The following ZNF83 variants were observed in gnomAD, a reference collection of about 807,000 sequenced individuals.
The protein encoded by ZNF83 is zinc finger protein 83.
For missense variants in ZNF83, 552 were observed against 629.9 expected (o/e 0.88, Z 1.32); for synonymous variants, 209 against 213.0 (o/e 0.98, Z 0.17).
At chr19:52,655,414 A>G (rs2061492453) in intron 3 of ZNF83, 5 of 787,012 alleles carry the variant, frequency 6.4e-6, no homozygotes, top group Admixed American at 2.3e-5. Context: ...GCTGTCTATG[A>G]CAGACAGGAG....
upstream of ZNF83, among the ~76,000 whole-genome samples, chr19:52,638,902 GA>G (rs1276571271): frequency 6.6e-6 from 1 of 152,124 alleles, no homozygotes; most frequent in African/African-American, 2.4e-5. Context: ...GCGGCGGGAG[GA>G]TCGCCGAGCC....
chr19:52,677,329 AAC>A (rs1178374216), intron 1 of ZNF83, among the ~76,000 whole-genome samples: 19 of 129,028 alleles, frequency 1.5e-4, no homozygotes, highest in Non-Finnish European at 1.6e-4. Context: ...AAAAAAAAAA[AAC>A]AAAAATTAGC....
At chr19:52,628,485 G>A (rs889954293) in intron 2 of ZNF83, among the ~76,000 whole-genome samples, 4 of 152,048 alleles carry the variant, frequency 2.6e-5, no homozygotes, top group African/African-American at 4.8e-5. Flanking sequence ...AAGGAGACAC[G>A]TTTTATCCGT....
upstream of ZNF83, among the ~76,000 whole-genome samples, chr19:52,639,368 G>A (rs888438399): frequency 3.3e-5 from 5 of 149,674 alleles, no homozygotes; most frequent in Non-Finnish European, 4.4e-5. Context: ...TTACAGGTGT[G>A]AGCCACCGCG....
intron 2 of ZNF83, among the ~76,000 whole-genome samples, chr19:52,620,993 C>A (rs2060522439): frequency 6.6e-6 from 1 of 152,244 alleles, no homozygotes; most frequent in Non-Finnish European, 1.5e-5. Context: ...CTGCCACTCC[C>A]CTATCTCCCT....
chr19:52,676,111 C>T (rs998654912), intron 1 of ZNF83, among the ~76,000 whole-genome samples: 5 of 152,170 alleles, frequency 3.3e-5, no homozygotes, highest in Non-Finnish European at 7.3e-5. Context: ...CTGCTGAGTG[C>T]CTGCAATTGC....
At chr19:52,625,994 G>A (rs947025985) in intron 2 of ZNF83, among the ~76,000 whole-genome samples, 42 of 151,978 alleles carry the variant, frequency 2.8e-4, no homozygotes, top group African/African-American at 8.7e-4. Flanking sequence ...TGGCTCCTCC[G>A]CTTACATGTG....
intron 1 of ZNF83, among the ~76,000 whole-genome samples, chr19:52,679,905 G>A (rs1042309438): frequency 6.6e-6 from 1 of 152,164 alleles, no homozygotes; most frequent in Admixed American, 6.5e-5. Flanking sequence ...TGGGGGCTGG[G>A]CACAGTGGCT....
intron 1 of ZNF83, among the ~76,000 whole-genome samples, chr19:52,689,069 G>T (rs1361020824): frequency 6.6e-6 from 1 of 150,758 alleles, no homozygotes; most frequent in African/African-American, 2.4e-5. Flanking sequence ...TTTTTCCTTT[G>T]ATGCAGCTAC....
At chr19:52,627,216 T>C (rs12983812) in intron 2 of ZNF83, among the ~76,000 whole-genome samples, 40,478 of 152,058 alleles carry the variant, frequency 0.27, 5,665 homozygotes, top group African/African-American at 0.36. Flanking sequence ...TTTGCTGACT[T>C]CTTTTTCAGA....
At chr19:52,686,378 C>T (rs1280326932) in intron 1 of ZNF83, among the ~76,000 whole-genome samples, 3 of 151,304 alleles carry the variant, frequency 2.0e-5, no homozygotes, top group East Asian at 1.9e-4. Flanking sequence ...GCCACAAAGC[C>T]ATCTTTCAGA....
chr19:52,632,034 A>C (rs1473403773), intron 2 of ZNF83, among the ~76,000 whole-genome samples: 2 of 152,178 alleles, frequency 1.3e-5, no homozygotes, highest in African/African-American at 2.4e-5. Context: ...GAACTAAAAT[A>C]TCTCTTAGTC....
intron 2 of ZNF83, among the ~76,000 whole-genome samples, chr19:52,657,504 GGTGACAGA>G (rs2147268320): frequency 6.7e-6 from 1 of 148,152 alleles, no homozygotes; most frequent in East Asian, 2.1e-4. Flanking sequence ...CTCCAGCCTG[GGTGACAGA>G]GTGAGACTGT....
chr19:52,618,410 C>G (rs2060397290), intron 2 of ZNF83: 1 of 155,306 alleles, frequency 6.4e-6, no homozygotes, highest in African/African-American at 2.4e-5. Context: ...CAGGTGCCCA[C>G]CACCACACCC....
rs1165383297 is a variant in ZNF83 at position 52,613,584 on chromosome 19, A to G, written c.981T>C (p.Ser327=). ...AGTGATTTACTAGGGATGACTTGTG[A>G]CTGAAGACCTTGCCACACTCATTAC... The change falls in exon 3 of 3, where the codon AGT becomes AGC. Residue 327 remains serine (S), a synonymous_variant. Transcript: ENST00000301096. 4 of 1,613,632 alleles carry G rather than the reference A, an allele frequency of 2.5e-6. 1 individual carries two copies. The African/African-American group carries it at 5.4e-5, about 22-fold the overall frequency.
chr19:52,664,641 G>A (rs1214831103), intron 1 of ZNF83, among the ~76,000 whole-genome samples: 3 of 152,076 alleles, frequency 2.0e-5, no homozygotes, highest in Non-Finnish European at 4.4e-5. Context: ...GGACTGGGGG[G>A]TGGAACCCCA....
chr19:52,665,943 G>A (rs965985201), intron 1 of ZNF83, among the ~76,000 whole-genome samples: 1 of 151,766 alleles, frequency 6.6e-6, no homozygotes, highest in Non-Finnish European at 1.5e-5. Context: ...GGCAAATCAC[G>A]AGGTCAGGAG....
intron 1 of ZNF83, among the ~76,000 whole-genome samples, chr19:52,684,709 G>A (rs886449924): frequency 6.6e-6 from 1 of 152,290 alleles, no homozygotes; most frequent in East Asian, 1.9e-4. Context: ...ACTGAAGGAG[G>A]AGAAAGGGAC....
intron 2 of ZNF83, among the ~76,000 whole-genome samples, chr19:52,634,137 T>G (rs920426667): frequency 1.3e-5 from 2 of 151,858 alleles, no homozygotes; most frequent in South Asian, 2.1e-4. Flanking sequence ...CCGGGTGTGG[T>G]GGCATGTACC....
Sources: gnomAD v4.1 joint callset for allele counts (sites outside exome capture counted in the v4.1 genomes callset) on GRCh38, gnomAD v4.1.1 for gene constraint, MANE v1.5 for transcripts, NCBI Gene and HGNC (gene_info 2026-07-23, HGNC 2026-07-21) for gene names.